Variants in SPOCK1 observed in about 807,000 individuals in gnomAD.
SPOCK1 encodes the protein SPARC (osteonectin), cwcv and kazal like domains proteoglycan 1.
In SPOCK1, 23 loss-of-function variants were observed where a neutral mutation model predicts 55.3. The ratio of observed to expected loss-of-function variants is 0.42; its 90% CI spans 0.30 to 0.59. SPOCK1 has a LOEUF of 0.59. SPOCK1 is among the 20% of genes least tolerant of loss of function. The pLI is 0.22. For missense variants in SPOCK1, 499 were observed against 552.5 expected (o/e 0.90, Z 0.97); for synonymous variants, 226 against 221.0 (o/e 1.02, Z -0.20).
chr5:137,409,447 G>C (rs978025122), intron 2 of SPOCK1, among the ~76,000 whole-genome samples: 3 of 152,308 alleles, frequency 2.0e-5, no homozygotes, highest in African/African-American at 7.2e-5. Flanking sequence ...GTCTGGCCTA[G>C]CATCTCAGAG....
intron 2 of SPOCK1, among the ~76,000 whole-genome samples, 162 bp from the exon 3 acceptor site, chr5:137,267,217 T>A (rs989618558): frequency 7.2e-5 from 11 of 152,176 alleles, no homozygotes; most frequent in Non-Finnish European, 1.5e-4. Context: ...TAAAAAAATA[T>A]CAATTTCCTT....
intron 3 of SPOCK1, among the ~76,000 whole-genome samples, chr5:137,240,499 G>A (rs889094055): frequency 2.0e-5 from 3 of 152,158 alleles, no homozygotes; most frequent in African/African-American, 7.2e-5. Flanking sequence ...CCATTCATGA[G>A]GGCTACACCC....
chr5:137,455,919 CACGGGAGGTGAAGCA>C (rs1297401252), intron 2 of SPOCK1, among the ~76,000 whole-genome samples: 1 of 152,054 alleles, frequency 6.6e-6, no homozygotes, highest in Non-Finnish European at 1.5e-5. Context: ...CACCTAGCTA[CACGGGAGGTGAAGCA>C]GAAGGATCAC....
intron 2 of SPOCK1, among the ~76,000 whole-genome samples, chr5:137,435,193 T>C (rs922560312): frequency 7.9e-5 from 12 of 152,216 alleles, no homozygotes; most frequent in African/African-American, 2.9e-4. Flanking sequence ...GTTCCCAATT[T>C]TTAAACTTTC....
chr5:137,326,189 C>T (rs1758073817), intron 2 of SPOCK1, among the ~76,000 whole-genome samples: 1 of 151,892 alleles, frequency 6.6e-6, no homozygotes, highest in Admixed American at 6.6e-5. Context: ...CTCCCCGTAC[C>T]ATACACTGCA....
At chr5:137,012,608 G>T (rs186785201) in intron 6 of SPOCK1, among the ~76,000 whole-genome samples, 1 of 152,098 alleles carries the variant, frequency 6.6e-6, no homozygotes, top group African/African-American at 2.4e-5. Context: ...CTGATTCCAG[G>T]TCCCAAACTC....
At chr5:137,130,933 C>A in intron 4 of SPOCK1, among the ~76,000 whole-genome samples, 1 of 152,234 alleles carries the variant, frequency 6.6e-6, no homozygotes, top group Admixed American at 6.5e-5. Context: ...TGCACCCTCT[C>A]TCCATGAGGA....
chr5:137,265,723 G>A (rs548219976), intron 3 of SPOCK1, among the ~76,000 whole-genome samples: 8 of 152,260 alleles, frequency 5.3e-5, no homozygotes, highest in South Asian at 2.1e-4. Context: ...CCAAAGGAAG[G>A]TTTTGCTGGA....
intron 6 of SPOCK1, among the ~76,000 whole-genome samples, chr5:137,055,494 G>T (rs1752286113): frequency 1.3e-5 from 2 of 152,180 alleles, no homozygotes; most frequent in African/African-American, 4.8e-5. Context: ...CCCCAAGTAG[G>T]CAAGTTTCCT....
chr5:137,083,177 C>G (rs559623046), intron 5 of SPOCK1, among the ~76,000 whole-genome samples: 1 of 152,316 alleles, frequency 6.6e-6, no homozygotes, highest in East Asian at 1.9e-4. Flanking sequence ...GCGCCCTCAT[C>G]ATGTCATTGC....
chr5:137,332,064 C>A (rs763535637), intron 2 of SPOCK1, among the ~76,000 whole-genome samples: 88 of 152,320 alleles, frequency 5.8e-4, no homozygotes, highest in Non-Finnish European at 3.7e-4. Context: ...GCAAGGCCTG[C>A]AAGGCCCCAG....
intron 4 of SPOCK1, among the ~76,000 whole-genome samples, chr5:137,117,436 G>C (rs1376419850): frequency 1.3e-5 from 2 of 152,186 alleles, no homozygotes; most frequent in Admixed American, 1.3e-4. Flanking sequence ...ACTACAATGT[G>C]AAAGTTCTTT....
rs569330698 is a variant in SPOCK1 at position 137,382,778 on chromosome 5, G to A, written c.186+115595C>T. Among the ~76,000 whole-genome samples, 7 of 152,068 alleles carry A rather than the reference G, an allele frequency of 4.6e-5. No individual in the cohort carries two copies. In the South Asian group the frequency reaches 1.5e-3, roughly 32 times the overall value. On this transcript the variant is annotated intron_variant, in intron 2 of 10. Transcript: ENST00000394945. ...CCAATTTGACATGAGATTTCGGAGG[G>A]GACACAAATCCAAAACATATCACAT...
chr5:136,978,847 G>A lies in SPOCK1; in HGVS notation c.1130-3C>T. 6.3e-7 allele frequency: 1 copy of A among 1,599,534 alleles called. No individual in the cohort carries two copies. ...CCCTGAGGTTTCCTGCTCCTCTTCTGAAAGATTAAAAAAAGCATTGAGGTT... is the reference window on the plus strand; with the variant it reads ...CCCTGAGGTTTCCTGCTCCTCTTCTAAAAGATTAAAAAAAGCATTGAGGTT... On this transcript the variant is annotated splice_polypyrimidine_tract_variant and splice_region_variant and intron_variant, in intron 10 of 10. Coordinates refer to ENST00000394945, the MANE Select transcript of SPOCK1 (RefSeq NM_004598.4).
chr5:137,267,526 A>G (rs1346119332), intron 2 of SPOCK1, among the ~76,000 whole-genome samples: 2 of 152,224 alleles, frequency 1.3e-5, no homozygotes, highest in Admixed American at 1.3e-4. Context: ...ACCTAAAAAG[A>G]GACAGCCTTC....
intron 3 of SPOCK1, among the ~76,000 whole-genome samples, chr5:137,183,589 G>A (rs1197167247): frequency 6.6e-6 from 1 of 152,196 alleles, no homozygotes; most frequent in Non-Finnish European, 1.5e-5. Flanking sequence ...GTTCTCCAGA[G>A]GACTTTTGCA....
chr5:137,482,976 A>T (rs1380950132), intron 2 of SPOCK1, among the ~76,000 whole-genome samples: 2 of 152,248 alleles, frequency 1.3e-5, no homozygotes, highest in African/African-American at 4.8e-5. Flanking sequence ...AATAAAAATC[A>T]TACAGTCTTT....
intron 2 of SPOCK1, among the ~76,000 whole-genome samples, chr5:137,490,221 C>A (rs1185297532): frequency 6.6e-6 from 1 of 152,184 alleles, no homozygotes; most frequent in Non-Finnish European, 1.5e-5. Flanking sequence ...TAGTGAATGA[C>A]AGGCCCTCTG....
intron 3 of SPOCK1, among the ~76,000 whole-genome samples, chr5:137,263,929 A>G (rs1261011567): frequency 2.6e-5 from 4 of 152,180 alleles, no homozygotes; most frequent in Admixed American, 2.6e-4. Context: ...CCTTAGAGTC[A>G]ATTACATGAT....
Sources: allele counts gnomAD v4.1 joint callset (sites outside exome capture counted in the v4.1 genomes callset), GRCh38; gene constraint gnomAD v4.1.1; transcripts MANE v1.5; gene names NCBI Gene and HGNC (gene_info 2026-07-23, HGNC 2026-07-21).